The following PLK3 variants were observed in gnomAD, a reference collection of about 807,000 sequenced individuals.
The protein encoded by PLK3 is polo like kinase 3, also known as serine/threonine-protein kinase PLK3.
In PLK3, 41 loss-of-function variants were observed where a neutral mutation model predicts 71.6. That is an observed-to-expected ratio of 0.57 (90% CI 0.45 to 0.74). PLK3 has a LOEUF of 0.74. Among genes scored for constraint, PLK3 ranks in the 30% least tolerant of loss-of-function variants. The pLI, the probability that PLK3 is intolerant of heterozygous loss-of-function variation, is 0.00. For missense variants in PLK3, 791 were observed against 875.6 expected (o/e 0.90, Z 1.22); for synonymous variants, 366 against 355.4 (o/e 1.03, Z -0.33).
rs768197931 is a variant in PLK3, at chr1:44,801,607, A to G, written c.436-15A>G. On this transcript the variant is annotated splice_polypyrimidine_tract_variant and intron_variant, in intron 3 of 14. Coordinates refer to ENST00000372201, the MANE Select transcript of PLK3 (RefSeq NM_004073.4). The stretch of plus-strand genomic sequence containing the variant: ...GGGAGGGCTCACCAGGGGCTGAGGC[A>G]GTGGCTCTCTGCAGTCCCTGGCCCA... 12 of 1,611,184 alleles carry G rather than the reference A, an allele frequency of 7.4e-6. No individual in the cohort carries two copies. In the East Asian group the frequency reaches 2.5e-4, roughly 33 times the overall value.
chr1:44,804,160 C>T lies in PLK3; in HGVS notation c.1259-3C>T, dbSNP rs764625230. On this transcript the variant is annotated splice_region_variant and splice_polypyrimidine_tract_variant and intron_variant, in intron 10 of 14. Coordinates refer to ENST00000372201, the MANE Select transcript of PLK3 (RefSeq NM_004073.4). ...CTAAATCTCAGTGCCCTGTCTCCTT[C>T]AGGATTTGAAGAAGGTCTGACTGTG... 6.2e-7 allele frequency: 1 copy of T among 1,612,934 alleles called. No homozygotes were observed. Among genetic ancestry groups the T allele is most frequent in the Admixed American group, 1.7e-5 (1 of 60,012 alleles).
In PLK3 at chr1:44,803,017, G is replaced by A. The variant is rs746991287; in HGVS notation, c.812G>A (p.Cys271Tyr). 75 of 1,613,932 alleles carry A rather than the reference G, an allele frequency of 4.6e-5. No homozygotes were observed. In the South Asian group the frequency reaches 7.9e-4, roughly 17 times the overall value. ...ETADLKETYR[C>Y]IKQVHYTLPA... is the part of the protein sequence containing the mutation. ...GCTGACCTGAAGGAGACGTACCGCT[G>A]CATCAAGCAGGTTCACTACACGCTG... The change falls in exon 7 of 15, where the codon TGC becomes TAC. Residue 271 changes from cysteine to tyrosine, a missense_variant. Coordinates refer to ENST00000372201, the MANE Select transcript of PLK3 (RefSeq NM_004073.4). The surrounding 1 kb of genome is among the most constrained non-coding windows in gnomAD (Gnocchi z 4.3).
Position 44,800,887 on chromosome 1 carries a change from C to T in PLK3, c.258C>T (p.Ser86=). The T allele has an allele frequency of 6.2e-7, 1 of 1,611,898 alleles. No homozygotes were observed. Among genetic ancestry groups the T allele is most frequent in the Non-Finnish European group, 8.5e-7 (1 of 1,179,846 alleles). The change falls in exon 2 of 15, where the codon AGC becomes AGT. Residue 86 remains serine (S), a synonymous_variant. Transcript: ENST00000372201. The surrounding 1 kb of genome is among the most constrained non-coding windows in gnomAD (Gnocchi z 6.5). ...AGGCCACTGACACAGAGACTGGCAG[C>T]GCCTACGCTGTCAAAGTCATCCCGC... is the stretch of plus-strand genomic sequence containing the variant. ...CYEATDTETG[S]AYAVKVIPQS...
rs72674040 is a variant in PLK3, at chr1:44,803,474, G to T, written c.1072+83G>T. 5.5e-3 allele frequency: 8,825 copies of T among 1,598,248 alleles called. 26 individuals are homozygous for T. Among genetic ancestry groups the T allele is most frequent in the Non-Finnish European group, 6.9e-3 (8,071 of 1,168,008 alleles). ...TTGTCTTGGGTGTGTGAGTGTGGGT[G>T]CCTGGAAACTCCTGGGGAGAGCATG... On this transcript the variant is annotated intron_variant, in intron 8 of 14. Coordinates refer to ENST00000372201, the MANE Select transcript of PLK3 (RefSeq NM_004073.4). This position sits in a 1 kb window ranked among gnomAD's most constrained non-coding sequence, Gnocchi z 4.3.
chr1:44,802,771 GC>G lies in PLK3; in HGVS notation c.666del (p.Thr223ProfsTer11), dbSNP rs1651873457. ...PPEQRKKTICGTPNYVAPEVL... is the reference protein window; with the variant it reads ...PPEQRKKTICXTPNYVAPEVL... ...CCACCCTCTTTCAGGACCATCTGTGGCACCCCCAACTATGTGGCTCCAGAAG... is the reference window on the plus strand; with the variant it reads ...CCACCCTCTTTCAGGACCATCTGTGGACCCCCAACTATGTGGCTCCAGAAG... On this transcript the variant is annotated frameshift_variant, in exon 6 of 15. Coordinates refer to ENST00000372201, the MANE Select transcript of PLK3 (RefSeq NM_004073.4). LOFTEE classifies it high-confidence loss of function. 1 of 1,612,872 alleles carries G rather than the reference GC, an allele frequency of 6.2e-7. No homozygotes were observed. The highest frequency in any genetic ancestry group is 8.5e-7 in the Non-Finnish European group (1 of 1,179,476).
At position 44,802,991 on chromosome 1, in the gene PLK3, G is replaced by C. The variant is rs753289067; in HGVS notation, c.786G>C (p.Thr262=). ...TCTGCGGGAGCCCTCCCTTTGAGAC[G>C]GCTGACCTGAAGGAGACGTACCGCT... ...TLLCGSPPFE[T]ADLKETYRCI... Residue 262 remains threonine (T), a synonymous_variant, in exon 7 of 15, where the codon ACG becomes ACC. Coordinates refer to ENST00000372201, the MANE Select transcript of PLK3 (RefSeq NM_004073.4). The C allele has an allele frequency of 4.3e-6, 7 of 1,613,964 alleles. No homozygotes were observed. Among genetic ancestry groups the C allele is most frequent in the Non-Finnish European group, 5.9e-6 (7 of 1,179,936 alleles).
rs1218170219 is a variant in PLK3, at chr1:44,801,708, G to A, written c.522G>A (p.Lys174=). The A allele has an allele frequency of 1.9e-6, 3 of 1,555,474 alleles. No individual in the cohort carries two copies. The highest frequency in any genetic ancestry group is 2.6e-6 in the Non-Finnish European group (3 of 1,143,518). ...YYLRQILSGL[K]YLHQRGILHR... ...TGCGGCAGATCCTTTCTGGCCTCAA[G>A]TACTTGCACCAGCGCGGCATCTTGC... is the stretch of plus-strand genomic sequence containing the variant. Residue 174 remains lysine (K), a synonymous_variant, in exon 4 of 15, where the codon AAG becomes AAA. Coordinates refer to ENST00000372201, the MANE Select transcript of PLK3 (RefSeq NM_004073.4).
Position 44,802,787 on chromosome 1 carries a change from G to A in PLK3, c.681G>A (p.Val227=), listed in dbSNP as rs975722416. ...KKTICGTPNY[V]APEVLLRQGH... ...CCATCTGTGGCACCCCCAACTATGT[G>A]GCTCCAGAAGTGCTGCTGAGACAGG... The change falls in exon 6 of 15, where the codon GTG becomes GTA. Residue 227 remains valine (V), a synonymous_variant. Coordinates refer to ENST00000372201, the MANE Select transcript of PLK3 (RefSeq NM_004073.4). The A allele has an allele frequency of 6.2e-7, 1 of 1,613,648 alleles. No homozygotes were observed. The highest frequency in any genetic ancestry group is 1.3e-5 in the African/African-American group (1 of 75,030).
At position 44,801,676 on chromosome 1, in the gene PLK3, T is replaced by C; in HGVS notation, c.490T>C (p.Tyr164His). Residue 164 changes from tyrosine (Y) to histidine (H), a missense_variant, in exon 4 of 15, where the codon TAC (tyrosine) becomes CAC (histidine). Tyr to His is a moderately conservative substitution (Grantham distance 83, BLOSUM62 2). Transcript: ENST00000372201. ...RHTLLEPEVR[Y>H]YLRQILSGLK... ...CACCCTGTTGGAGCCAGAAGTGCGC[T>C]ACTACCTGCGGCAGATCCTTTCTGG... is the stretch of plus-strand genomic sequence containing the variant. The C allele has an allele frequency of 1.9e-6, 3 of 1,613,356 alleles. No homozygotes were observed. Among genetic ancestry groups the C allele is most frequent in the Non-Finnish European group, 2.5e-6 (3 of 1,179,936 alleles).
Position 44,804,700 on chromosome 1 carries a change from G to T in PLK3, c.1556G>T (p.Gly519Val), listed in dbSNP as rs763436964. 6.2e-7 allele frequency: 1 copy of T among 1,613,792 alleles called. No homozygotes were observed. Among genetic ancestry groups the T allele is most frequent in the East Asian group, 2.2e-5 (1 of 44,880 alleles). Residue 519 changes from glycine (G) to valine (V), a missense_variant, in exon 13 of 15, where the codon GGT (glycine) becomes GTT (valine). Physicochemically the swap from Gly to Val is moderately radical, Grantham distance 109. Coordinates refer to ENST00000372201, the MANE Select transcript of PLK3 (RefSeq NM_004073.4). ...TSTKHFSFSV[G>V]AVPRALQPQL... ...ACAAAGCACTTCTCCTTCTCCGTGG[G>T]TGCTGTGCCCCGGGCCCTGCAGCCT...
rs764101227 is a variant in PLK3 at position 44,803,437 on chromosome 1, G to A, written c.1072+46G>A. 10 of 1,611,296 alleles carry A rather than the reference G, an allele frequency of 6.2e-6. No individual in the cohort carries two copies. The highest frequency in any genetic ancestry group is 8.5e-6 in the Non-Finnish European group (10 of 1,178,398). On this transcript the variant is annotated intron_variant, in intron 8 of 14. Coordinates refer to ENST00000372201, the MANE Select transcript of PLK3 (RefSeq NM_004073.4). This position sits in a 1 kb window ranked among gnomAD's most constrained non-coding sequence, Gnocchi z 4.3. ...GGTTGAGGGGGCAGAGCAGTAGAGC[G>A]GCTTGTCACATTTGTCTTGGGTGTG...
Position 44,805,773 on chromosome 1 carries a change from T to C in PLK3, c.*95T>C. On this transcript the variant is annotated 3_prime_UTR_variant, in exon 15 of 15. Coordinates refer to ENST00000372201, the MANE Select transcript of PLK3 (RefSeq NM_004073.4). ...TCCTTTGGTGCCTCACTGGGGGCTTTGGGCCGAATCCCCCAGGGAATCAGG... is the reference window on the plus strand; with the variant it reads ...TCCTTTGGTGCCTCACTGGGGGCTTCGGGCCGAATCCCCCAGGGAATCAGG... 1 of 1,386,980 alleles carries C rather than the reference T, an allele frequency of 7.2e-7. No individual in the cohort carries two copies. Among genetic ancestry groups the C allele is most frequent in the Non-Finnish European group, 9.8e-7 (1 of 1,023,508 alleles). The allele number at this position is 1,386,980 out of a possible 1,614,324, so 85.9% of individuals were successfully genotyped here. A position where few individuals can be genotyped will look rare whatever the true frequency, so the allele number is the denominator to read the frequency against.
Position 44,804,319 on chromosome 1 carries a change from TC to T in PLK3, c.1343-17del, listed in dbSNP as rs754450849. 3.1e-6 allele frequency: 5 copies of T among 1,613,820 alleles called. No homozygotes were observed. The highest frequency in any genetic ancestry group is 4.2e-6 in the Non-Finnish European group (5 of 1,179,848). ...TGGGAGGCCAGGAGCAGGTGCTGAC[TC>T]CCTCCTCTCCCATGACAGCGGAACA... On this transcript the variant is annotated intron_variant, in intron 11 of 14. Transcript: ENST00000372201.
Position 44,805,638 on chromosome 1 carries a change from G to T in PLK3, c.1901G>T (p.Arg634Leu). Residue 634 changes from arginine (R) to leucine (L), a missense_variant, in exon 15 of 15, where the codon CGC becomes CTC. Transcript: ENST00000372201. ...GCSPDLRQRL[R>L]YALRLLRDRS... ...TCTCCAGACCTGCGGCAGCGACTCC[G>T]CTATGCTCTGCGCCTGCTCCGGGAC... 6.2e-7 allele frequency: 1 copy of T among 1,613,762 alleles called. No homozygotes were observed. The highest frequency in any genetic ancestry group is 8.5e-7 in the Non-Finnish European group (1 of 1,179,990).
In PLK3 at chr1:44,802,830, G is replaced by C. The variant is rs1339699529; in HGVS notation, c.724G>C (p.Asp242His). 6.2e-6 allele frequency: 10 copies of C among 1,613,898 alleles called. No homozygotes were observed. Among genetic ancestry groups the C allele is most frequent in the Non-Finnish European group, 8.5e-6 (10 of 1,179,778 alleles). Residue 242 changes from aspartate (D) to histidine (H), a missense_variant, in exon 6 of 15, where the codon GAT becomes CAT. Transcript: ENST00000372201. Reference protein sequence around the residue: ...LLRQGHGPEADVWSLGCVMYT... With the variant: ...LLRQGHGPEAHVWSLGCVMYT... ...GAGACAGGGCCACGGCCCTGAGGCG[G>C]ATGTATGGTCACTGGGCTGTGTCAT...
rs372956892 is a variant in PLK3, at chr1:44,803,008, C to T, written c.803C>T (p.Thr268Met). Reference protein sequence around the residue: ...PPFETADLKETYRCIKQVHYT... With the variant: ...PPFETADLKEMYRCIKQVHYT... ...TTTGAGACGGCTGACCTGAAGGAGA[C>T]GTACCGCTGCATCAAGCAGGTTCAC... Residue 268 changes from threonine to methionine, a missense_variant, in exon 7 of 15, where the codon ACG (threonine) becomes ATG (methionine). Physicochemically the swap from Thr to Met is moderately conservative, Grantham distance 81. Coordinates refer to ENST00000372201, the MANE Select transcript of PLK3 (RefSeq NM_004073.4). This position sits in a 1 kb window ranked among gnomAD's most constrained non-coding sequence, Gnocchi z 4.3. 46 of 1,613,908 alleles carry T rather than the reference C, an allele frequency of 2.9e-5. No homozygotes were observed. The highest frequency in any genetic ancestry group is 4.5e-5 in the East Asian group (2 of 44,896).
At position 44,800,853 on chromosome 1, in the gene PLK3, G is replaced by A. The variant is rs1437017345; in HGVS notation, c.224G>A (p.Arg75His). ...CCCTCTTCACAGGGGGGCTTCGCCC[G>A]CTGCTACGAGGCCACTGACACAGAG... ...GRLLGKGGFA[R>H]CYEATDTETG... Residue 75 changes from arginine (R) to histidine (H), a missense_variant, in exon 2 of 15, where the codon CGC (arginine) becomes CAC (histidine). By Grantham distance (29) the Arg-to-His change is conservative. Coordinates refer to ENST00000372201, the MANE Select transcript of PLK3 (RefSeq NM_004073.4). The surrounding 1 kb of genome is among the most constrained non-coding windows in gnomAD (Gnocchi z 6.5). 2 of 1,610,226 alleles carry A rather than the reference G, an allele frequency of 1.2e-6. No homozygotes were observed. The highest frequency in any genetic ancestry group is 1.7e-5 in the Admixed American group (1 of 59,928).
rs775512375 is a variant in PLK3, at chr1:44,800,852, C to G, written c.223C>G (p.Arg75Gly). 9.9e-6 allele frequency: 16 copies of G among 1,610,142 alleles called. No homozygotes were observed. The Admixed American group carries it at 2.5e-4, about 25-fold the overall frequency. Residue 75 changes from arginine (R) to glycine (G), a missense_variant, in exon 2 of 15, where the codon CGC (arginine) becomes GGC (glycine). Physicochemically the swap from Arg to Gly is moderately radical, Grantham distance 125. Coordinates refer to ENST00000372201, the MANE Select transcript of PLK3 (RefSeq NM_004073.4). This position sits in a 1 kb window ranked among gnomAD's most constrained non-coding sequence, Gnocchi z 6.5. ...CCCCTCTTCACAGGGGGGCTTCGCCCGCTGCTACGAGGCCACTGACACAGA... is the reference window on the plus strand; with the variant it reads ...CCCCTCTTCACAGGGGGGCTTCGCCGGCTGCTACGAGGCCACTGACACAGA... Reference protein sequence around the residue: ...GRLLGKGGFARCYEATDTETG... With the variant: ...GRLLGKGGFAGCYEATDTETG...
Position 44,805,623 on chromosome 1 carries a change from T to C in PLK3, c.1886T>C (p.Leu629Pro). Residue 629 changes from leucine (L) to proline (P), a missense_variant, in exon 15 of 15, where the codon CTG (leucine) becomes CCG (proline). Leu to Pro is a moderately conservative substitution (Grantham distance 98). Coordinates refer to ENST00000372201, the MANE Select transcript of PLK3 (RefSeq NM_004073.4). ...HLRQLGCSPD[L>P]RQRLRYALRL... is the part of the protein sequence containing the mutation. ...CGGCAGCTGGGCTGCTCTCCAGACC[T>C]GCGGCAGCGACTCCGCTATGCTCTG... 6.2e-7 allele frequency: 1 copy of C among 1,614,064 alleles called. No individual in the cohort carries two copies.
Sources: gnomAD v4.1 joint callset for allele counts on GRCh38, gnomAD v4.1.1 for gene constraint, Gnocchi (gnomAD v3.1) non-coding constraint, MANE v1.5 for transcripts, NCBI Gene and HGNC (gene_info 2026-07-23, HGNC 2026-07-21) for gene names.